The following TSHZ2 variants were observed in gnomAD, a reference collection of about 807,000 sequenced individuals.
TSHZ2 encodes teashirt homolog 2.
TSHZ2 carries 21 observed loss-of-function variants against 74.4 expected under a neutral mutation model. The ratio of observed to expected loss-of-function variants is 0.28; its 90% confidence interval spans 0.20 to 0.41. The LOEUF (loss-of-function observed/expected upper bound fraction) is 0.41, where lower values mean the gene tolerates loss of function less well. Among genes scored for constraint, TSHZ2 ranks in the 10% least tolerant of loss-of-function variants. TSHZ2 has a pLI of 1.00. For missense variants in TSHZ2, 1,244 were observed against 1,293.5 expected (o/e 0.96, Z 0.59); for synonymous variants, 540 against 515.3 (o/e 1.05, Z -0.65).
At position 53,255,740 on chromosome 20, in the gene TSHZ2, G is replaced by A. The variant is rs747620793; in HGVS notation, c.2282G>A (p.Ser761Asn). The change falls in exon 2 of 3, where the codon AGC becomes AAC. Residue 761 changes from serine (S) to asparagine (N), a missense_variant. Physicochemically the swap from Ser to Asn is conservative, Grantham distance 46. Around this residue, in one of 6 missense-constraint regions of TSHZ2, gnomAD observed 562 missense variants for 544.0 expected, o/e 1.03. Transcript: ENST00000371497. The surrounding 1 kb of genome is among the most constrained non-coding windows in gnomAD (Gnocchi z 4.1). ...SVSRRYLFEN[S>N]DQPIDLTKSK... ...TCCAGGCGCTACCTGTTTGAGAACAGCGATCAGCCCATTGACCTGACCAAG... is the reference window on the plus strand; with the variant it reads ...TCCAGGCGCTACCTGTTTGAGAACAACGATCAGCCCATTGACCTGACCAAG... 9.9e-6 allele frequency: 16 copies of A among 1,613,570 alleles called. No individual in the cohort carries two copies. The highest frequency in any genetic ancestry group is 1.7e-5 in the Admixed American group (1 of 59,920).
At chr20:53,055,636 T>G (rs1203034232) in intron 1 of TSHZ2, among the ~76,000 whole-genome samples, 1 of 152,172 alleles carries the variant, frequency 6.6e-6, no homozygotes, top group Non-Finnish European at 1.5e-5. Context: ...TTCTCAAACA[T>G]TTTTTTCAGT....
In TSHZ2 at chr20:53,140,409, A is replaced by G. The variant is rs564126428; in HGVS notation, c.41-113090A>G. Among the ~76,000 whole-genome samples, 1,021 of 151,736 alleles carry G rather than the reference A, an allele frequency of 6.7e-3. 10 individuals are homozygous for G. Among genetic ancestry groups the G allele is most frequent in the Middle Eastern group, 0.017 (5 of 294 alleles). ...CAAAAAATTAGCCAGGCGAGGTGGC[A>G]GGCGCCTGTAGTCCCAGCTACTCAG... On this transcript the variant is annotated intron_variant, in intron 1 of 2. Transcript: ENST00000371497.
chr20:53,251,478 T>C (rs769599988), intron 1 of TSHZ2, among the ~76,000 whole-genome samples: 1 of 152,236 alleles, frequency 6.6e-6, no homozygotes, highest in Non-Finnish European at 1.5e-5. Context: ...AATTCGGCCA[T>C]ATGGTCATTT....
intron 1 of TSHZ2, among the ~76,000 whole-genome samples, chr20:53,170,531 G>A (rs1988174774): frequency 6.6e-6 from 1 of 152,094 alleles, no homozygotes; most frequent in Non-Finnish European, 1.5e-5. Context: ...TGGTGGCGGG[G>A]GCCGGGGAGG....
chr20:53,012,769 T>C (rs1041815528), intron 1 of TSHZ2, among the ~76,000 whole-genome samples: 1 of 152,132 alleles, frequency 6.6e-6, no homozygotes, highest in Admixed American at 6.6e-5. Context: ...AGTTTTCTTT[T>C]CTCGCTCATG....
intron 2 of TSHZ2, among the ~76,000 whole-genome samples, chr20:53,467,328 GAAGGA>G (rs777029770): frequency 1.3e-5 from 2 of 152,126 alleles, no homozygotes; most frequent in African/African-American, 2.4e-5. Context: ...TAAATTTCCA[GAAGGA>G]AAGAGTGGTC....
At chr20:53,050,838 C>T (rs1018332825) in intron 1 of TSHZ2, among the ~76,000 whole-genome samples, 3 of 152,084 alleles carry the variant, frequency 2.0e-5, no homozygotes, top group African/African-American at 4.8e-5. Context: ...TTGGGAGCTG[C>T]GTGTATCAAC....
At chr20:53,032,973 G>A (rs1329949835) in intron 1 of TSHZ2, among the ~76,000 whole-genome samples, 2 of 152,142 alleles carry the variant, frequency 1.3e-5, no homozygotes, top group African/African-American at 2.4e-5. Flanking sequence ...AAATATAACA[G>A]TATGTACAAA....
chr20:53,277,967 A>G (rs1046307937), intron 2 of TSHZ2, among the ~76,000 whole-genome samples: 1 of 152,190 alleles, frequency 6.6e-6, no homozygotes, highest in African/African-American at 2.4e-5. Context: ...AGCCACCTTC[A>G]GGTCTTCTCA....
At chr20:53,064,363 A>G (rs1003978480) in intron 1 of TSHZ2, among the ~76,000 whole-genome samples, 3 of 152,208 alleles carry the variant, frequency 2.0e-5, no homozygotes, top group Admixed American at 6.5e-5. Flanking sequence ...AAGCCAGGCC[A>G]TTAAGCAAAA....
chr20:53,231,510 G>T (rs561901630), intron 1 of TSHZ2, among the ~76,000 whole-genome samples: 1 of 152,320 alleles, frequency 6.6e-6, no homozygotes, highest in Admixed American at 6.5e-5. Flanking sequence ...TTAAACACTG[G>T]GTGGATGTCC....
At chr20:53,466,179 C>A (rs1985553833) in intron 2 of TSHZ2, among the ~76,000 whole-genome samples, 1 of 149,536 alleles carries the variant, frequency 6.7e-6, no homozygotes, top group East Asian at 2.0e-4. Flanking sequence ...ACCGGGGAGG[C>A]AGAGGTTGCA....
chr20:53,468,163 T>G (rs960613537), intron 2 of TSHZ2, among the ~76,000 whole-genome samples: 1 of 152,174 alleles, frequency 6.6e-6, no homozygotes, highest in Non-Finnish European at 1.5e-5. Flanking sequence ...GTGGAGTAGA[T>G]AGCAGAGAAT....
At position 53,253,977 on chromosome 20, in the gene TSHZ2, G is replaced by T. The variant is rs988628904; in HGVS notation, c.519G>T (p.Leu173=). ...ATTTTGATTGGCACCAAGACGCTCT[G>T]TCCAAAAGCCTGCAGCAGAACTTGC... ...KSDFDWHQDA[L]SKSLQQNLPS... is the part of the protein sequence containing the mutation. Residue 173 remains leucine, a synonymous_variant, in exon 2 of 3, where the codon CTG becomes CTT. Coordinates refer to ENST00000371497, the MANE Select transcript of TSHZ2 (RefSeq NM_173485.6). 6.2e-7 allele frequency: 1 copy of T among 1,614,140 alleles called. No homozygotes were observed. Among genetic ancestry groups the T allele is most frequent in the African/African-American group, 1.3e-5 (1 of 75,024 alleles).
chr20:53,090,692 C>T (rs1277826009), intron 1 of TSHZ2, among the ~76,000 whole-genome samples: 1 of 152,146 alleles, frequency 6.6e-6, no homozygotes, highest in African/African-American at 2.4e-5. Flanking sequence ...GAGGTGGCTT[C>T]CTCAGCATCT....
At chr20:53,050,080 C>CA (rs201397919) in intron 1 of TSHZ2, among the ~76,000 whole-genome samples, 28,553 of 106,706 alleles carry the variant, frequency 0.27, 3,931 homozygotes, top group East Asian at 0.38. Context: ...GACTCAATCT[C>CA]AAAAAAAAAA....
At chr20:53,040,772 T>G (rs1314948777) in intron 1 of TSHZ2, among the ~76,000 whole-genome samples, 1 of 152,144 alleles carries the variant, frequency 6.6e-6, no homozygotes, top group Admixed American at 6.5e-5. Context: ...CCAGGTGCGG[T>G]GTCTTCCAGC....
At chr20:53,478,881 G>A (rs200362855) in intron 2 of TSHZ2, among the ~76,000 whole-genome samples, 10 of 99,722 alleles carry the variant, frequency 1.0e-4, no homozygotes, top group African/African-American at 4.1e-4. Flanking sequence ...AAAAAAGAAA[G>A]GGGCCTGGCA....
chr20:53,303,684 C>T (rs768791566), intron 2 of TSHZ2, among the ~76,000 whole-genome samples: 2 of 152,130 alleles, frequency 1.3e-5, no homozygotes, highest in Non-Finnish European at 2.9e-5. Context: ...TGCTAGAATT[C>T]GACTACCTAG....
Sources: allele counts gnomAD v4.1 joint callset (sites outside exome capture counted in the v4.1 genomes callset), GRCh38; gene constraint gnomAD v4.1.1; regional missense constraint gnomAD v4.1.1; non-coding constraint Gnocchi (gnomAD v3.1); transcripts MANE v1.5; gene names NCBI Gene and HGNC (gene_info 2026-07-23, HGNC 2026-07-21).